CHRM3: variants seen among roughly 807,000 people sequenced by gnomAD.
CHRM3 encodes muscarinic acetylcholine receptor M3.
Under a neutral mutation model 41.8 loss-of-function variants are expected in CHRM3, and 11 were observed. The observed-to-expected ratio is 0.26, with a 90% confidence interval of 0.17 to 0.44. The LOEUF (loss-of-function observed/expected upper bound fraction) is 0.44, where lower values mean the gene tolerates loss of function less well. Among genes scored for constraint, CHRM3 ranks in the 20% least tolerant of loss-of-function variants. The pLI, the probability that CHRM3 is intolerant of heterozygous loss-of-function variation, is 1.00. For missense variants in CHRM3, 571 were observed against 745.4 expected, an observed-to-expected ratio of 0.77 and a Z score of 2.72; for synonymous variants, 297 against 301.4, an observed-to-expected ratio of 0.99 and a Z score of 0.15.
chr1:239,495,775 A>T (rs1184583706), intron 2 of CHRM3, among the ~76,000 whole-genome samples: 1 of 152,138 alleles, frequency 6.6e-6, no homozygotes, highest in Non-Finnish European at 1.5e-5. Context: ...TTTAGTAAGC[A>T]CTCAATATAT....
At chr1:239,884,560 T>C (rs6429163) in intron 6 of CHRM3, among the ~76,000 whole-genome samples, 2,520 of 152,308 alleles carry the variant, frequency 0.017, 75 homozygotes, top group African/African-American at 0.058. Context: ...GCTTGAAGAT[T>C]GCACTAACTA....
intron 3 of CHRM3, among the ~76,000 whole-genome samples, chr1:239,622,280 A>G (rs1486377332): frequency 3.3e-5 from 5 of 152,186 alleles, no homozygotes; most frequent in African/African-American, 9.7e-5. Context: ...TTAATATAAC[A>G]TCCATTCTGC....
At chr1:239,465,581 A>G (rs997604458) in intron 1 of CHRM3, among the ~76,000 whole-genome samples, 10 of 152,108 alleles carry the variant, frequency 6.6e-5, no homozygotes, top group African/African-American at 2.2e-4. Context: ...GTTTGCCATC[A>G]CTGACGTCGG....
At chr1:239,760,643 G>A (rs945916287) in intron 5 of CHRM3, among the ~76,000 whole-genome samples, 7 of 152,020 alleles carry the variant, frequency 4.6e-5, no homozygotes, top group African/African-American at 1.7e-4. Context: ...CTGAGCTCCA[G>A]GTCGATTCAC....
chr1:239,431,241 CT>C (rs1432616255), intron 1 of CHRM3, among the ~76,000 whole-genome samples: 1 of 152,098 alleles, frequency 6.6e-6, no homozygotes, highest in East Asian at 1.9e-4. Flanking sequence ...TATTGTCCCC[CT>C]AAAATAAATT....
intron 3 of CHRM3, among the ~76,000 whole-genome samples, chr1:239,581,415 C>CT (rs1662887049): frequency 9.1e-6 from 1 of 109,634 alleles, no homozygotes; most frequent in Admixed American, 1.5e-4. Flanking sequence ...AACATCATTG[C>CT]TTTTTCATTC....
rs1288500907 is a variant in CHRM3, at chr1:239,532,302, C to T, written c.-421-13339C>T. Among the ~76,000 whole-genome samples the T allele has an allele frequency of 5.4e-5, 8 of 147,676 alleles. No individual in the cohort carries two copies. The South Asian group carries it at 8.7e-4, about 16-fold the overall frequency. ...CTGGGATTACAGGCGTGAGCCACCG[C>T]GCCCGGCTGGTGGAGTATATTTCTT... On this transcript the variant is annotated intron_variant, in intron 2 of 6. Coordinates refer to ENST00000676153, the MANE Select transcript of CHRM3 (RefSeq NM_001375978.1).
chr1:239,470,211 A>G (rs991778371), intron 1 of CHRM3, among the ~76,000 whole-genome samples: 1 of 152,118 alleles, frequency 6.6e-6, no homozygotes, highest in Non-Finnish European at 1.5e-5. Flanking sequence ...TGAAGATGGA[A>G]GCCTATAGTG....
chr1:239,535,628 T>C (rs2148358037), intron 2 of CHRM3, among the ~76,000 whole-genome samples: 1 of 151,964 alleles, frequency 6.6e-6, no homozygotes, highest in South Asian at 2.1e-4. Flanking sequence ...GAGTTTTGGT[T>C]AGGCCTAAGA....
chr1:239,664,925 A>G (rs1673619691), intron 4 of CHRM3, among the ~76,000 whole-genome samples: 1 of 151,790 alleles, frequency 6.6e-6, no homozygotes, highest in Admixed American at 6.6e-5. Flanking sequence ...CTTCAAACCA[A>G]TGTTCTCCTA....
chr1:239,480,566 T>G (rs1666774912), intron 1 of CHRM3, among the ~76,000 whole-genome samples: 1 of 143,764 alleles, frequency 7.0e-6, no homozygotes, highest in Non-Finnish European at 1.5e-5. Context: ...TTTTTTTTTT[T>G]TTTTTGTTGA....
intron 3 of CHRM3, among the ~76,000 whole-genome samples, chr1:239,562,261 G>T (rs577238545): frequency 6.6e-6 from 1 of 152,260 alleles, no homozygotes; most frequent in South Asian, 2.1e-4. Flanking sequence ...AGTTATCTGT[G>T]TTTACACTTC....
chr1:239,412,211 T>TCCCTCCCTCCC (rs1661135044), intron 1 of CHRM3, among the ~76,000 whole-genome samples: 1 of 109,840 alleles, frequency 9.1e-6, no homozygotes, highest in African/African-American at 3.5e-5. Context: ...CCCTCCCTCC[T>TCCCTCCCTCCC]TCCCACTCTT....
At chr1:239,553,190 G>A (rs1012767543) in intron 3 of CHRM3, among the ~76,000 whole-genome samples, 4 of 152,014 alleles carry the variant, frequency 2.6e-5, no homozygotes, top group Non-Finnish European at 5.9e-5. Flanking sequence ...CACCACTATA[G>A]GACAGACACA....
intron 1 of CHRM3, among the ~76,000 whole-genome samples, chr1:239,389,701 AAAT>A (rs1434223981): frequency 6.6e-6 from 1 of 152,274 alleles, no homozygotes; most frequent in Non-Finnish European, 1.5e-5. Flanking sequence ...ATGTATTTGT[AAAT>A]TATAAAGTAA....
At chr1:239,586,288 G>A (rs1558342059) in intron 3 of CHRM3, among the ~76,000 whole-genome samples, 1 of 151,832 alleles carries the variant, frequency 6.6e-6, no homozygotes, top group Non-Finnish European at 1.5e-5. Context: ...CTGTATTTTT[G>A]TGGATGTTAG....
Position 239,606,485 on chromosome 1 carries a change from A to T in CHRM3, c.-312-25739A>T, listed in dbSNP as rs568324532. 4.6e-5 allele frequency among the ~76,000 whole-genome samples: 7 copies of T among 152,330 alleles called. No homozygotes were observed. The South Asian group carries it at 1.4e-3, about 32-fold the overall frequency. ...GAGACAAGGTTTCACTATGTTGGCC[A>T]GGCTGGTCTCAATCTCCTGACCTTG... On this transcript the variant is annotated intron_variant, in intron 3 of 6. Coordinates refer to ENST00000676153, the MANE Select transcript of CHRM3 (RefSeq NM_001375978.1).
At chr1:239,412,829 A>C (rs1036297390) in intron 1 of CHRM3, among the ~76,000 whole-genome samples, 2 of 152,074 alleles carry the variant, frequency 1.3e-5, no homozygotes, top group Admixed American at 6.6e-5. Flanking sequence ...TTCAAGATAA[A>C]TCAGACTTTG....
intron 5 of CHRM3, among the ~76,000 whole-genome samples, chr1:239,804,876 C>A (rs1670509624): frequency 6.6e-6 from 1 of 152,134 alleles, no homozygotes; most frequent in Non-Finnish European, 1.5e-5. Flanking sequence ...TGTGCCAGCT[C>A]TTTTCTTCTC....
Sources: allele counts gnomAD v4.1 joint callset (sites outside exome capture counted in the v4.1 genomes callset), GRCh38; gene constraint gnomAD v4.1.1; transcripts MANE v1.5; gene names NCBI Gene and HGNC (gene_info 2026-07-23, HGNC 2026-07-21).